Variants in SVEP1 observed in about 807,000 individuals in gnomAD.
The protein encoded by SVEP1 is sushi, von Willebrand factor type A, EGF and pentraxin domain-containing protein 1.
Under a neutral mutation model 367.3 loss-of-function variants are expected in SVEP1, and 164 were observed. That is an observed-to-expected ratio of 0.45 (90% CI 0.39 to 0.51). The LOEUF (loss-of-function observed/expected upper bound fraction) is 0.51, where lower values mean the gene tolerates loss of function less well. SVEP1 is among the 20% of genes least tolerant of loss of function. The probability of loss-of-function intolerance (pLI) is 0.00; values close to 1 mark genes in which losing one functional copy is unlikely to be tolerated. For synonymous variants in SVEP1, 1,666 were observed against 1,611.6 expected (o/e 1.03, Z -0.81); for missense variants, 4,117 against 4,425.3 (o/e 0.93, Z 1.98).
At chr9:110,512,772 T>G (rs2118775214) in intron 5 of SVEP1, 154 bp downstream of exon 5, 3 of 901,316 alleles carry the variant, frequency 3.3e-6, no homozygotes, top group South Asian at 1.5e-5. Flanking sequence ...AACTTGGTAA[T>G]TCTGATTTCA....
Position 110,401,009 on chromosome 9 carries a change from G to A in SVEP1, c.9667C>T (p.Leu3223Phe). Residue 3223 changes from leucine to phenylalanine, a missense_variant and splice_region_variant, in exon 40 of 48, where the codon CTT (leucine) becomes TTT (phenylalanine). Transcript: ENST00000374469. ...AATGGTGGCTCCCAGGTTCCATCAA[G>A]CTAAGTGACAAATAACAAAATGTAA... ...FEGVNISVCQ[L>F]DGTWEPPFSD... The A allele has an allele frequency of 1.2e-6, 2 of 1,612,948 alleles. No homozygotes were observed. The highest frequency in any genetic ancestry group is 1.3e-5 in the African/African-American group (1 of 74,952).
At chr9:110,372,462 T>C (rs376571342) in intron 46 of SVEP1, among the ~76,000 whole-genome samples, 1 of 152,320 alleles carries the variant, frequency 6.6e-6, no homozygotes, top group Admixed American at 6.5e-5. Flanking sequence ...ACGAAGGCTA[T>C]AGAGTTCAGT....
rs1044450584 is a variant in SVEP1 at position 110,433,332 on chromosome 9, A to T, written c.5060-697T>A. On this transcript the variant is annotated intron_variant, in intron 30 of 47. Coordinates refer to ENST00000374469, the MANE Select transcript of SVEP1 (RefSeq NM_153366.4). Reference sequence around the variant, plus strand: ...GCCAAACAAACAAAATCCCTGCCTTATGGAGCTTATTATCTAGTGGGGTAG... The same window carrying T: ...GCCAAACAAACAAAATCCCTGCCTTTTGGAGCTTATTATCTAGTGGGGTAG... Among the ~76,000 whole-genome samples the T allele has an allele frequency of 8.4e-4, 106 of 125,718 alleles. 1 individual carries two copies. Among genetic ancestry groups the T allele is most frequent in the African/African-American group, 3.2e-3 (104 of 32,072 alleles). 82.5% of individuals were successfully genotyped at this position (125,718 alleles called of 152,430 possible).
At chr9:110,392,143 A>G (rs1479684724) in intron 40 of SVEP1, among the ~76,000 whole-genome samples, 1 of 147,462 alleles carries the variant, frequency 6.8e-6, no homozygotes, top group Non-Finnish European at 1.5e-5. Context: ...TTATATATAT[A>G]TATATATATA....
At chr9:110,397,104 G>A (rs1322077152) in intron 40 of SVEP1, among the ~76,000 whole-genome samples, 1 of 152,104 alleles carries the variant, frequency 6.6e-6, no homozygotes, top group Non-Finnish European at 1.5e-5. Context: ...GTAAAATACT[G>A]GCAAACCGAA....
chr9:110,395,772 G>C (rs1827748692), intron 40 of SVEP1, among the ~76,000 whole-genome samples: 1 of 151,914 alleles, frequency 6.6e-6, no homozygotes, highest in Middle Eastern at 3.4e-3. Flanking sequence ...TTACATAATG[G>C]TAAAGGGATC....
chr9:110,544,207 T>C (rs957535318), intron 3 of SVEP1, among the ~76,000 whole-genome samples: 2 of 152,130 alleles, frequency 1.3e-5, no homozygotes, highest in South Asian at 2.1e-4. Flanking sequence ...GAGAACCACA[T>C]TTCTATGTGG....
At chr9:110,458,912 G>A (rs1212510902) in intron 19 of SVEP1, 40 bp downstream of exon 19, 2 of 1,589,904 alleles carry the variant, frequency 1.3e-6, no homozygotes, top group Non-Finnish European at 1.7e-6. Flanking sequence ...AAAAGTAAAT[G>A]TCCAACATAG....
intron 26 of SVEP1, 94 bp downstream of exon 26, chr9:110,445,743 A>G: frequency 7.2e-7 from 1 of 1,381,372 alleles, no homozygotes; most frequent in Non-Finnish European, 1.0e-6. Flanking sequence ...GGAACACCTG[A>G]CCCTCTACTT....
At chr9:110,435,944 A>G (rs1828425010) in intron 28 of SVEP1, among the ~76,000 whole-genome samples, 1 of 152,036 alleles carries the variant, frequency 6.6e-6, no homozygotes, top group Non-Finnish European at 1.5e-5. Context: ...TAAGACTGGG[A>G]TTTGAACCCC....
At chr9:110,474,694 A>G (rs1403823822) in intron 14 of SVEP1, among the ~76,000 whole-genome samples, 1 of 152,196 alleles carries the variant, frequency 6.6e-6, no homozygotes, top group Admixed American at 6.5e-5. Context: ...GTTACTGACA[A>G]TGCCACCTTA....
chr9:110,562,856 A>AT (rs1473156452), intron 1 of SVEP1, among the ~76,000 whole-genome samples: 3 of 151,798 alleles, frequency 2.0e-5, no homozygotes, highest in Non-Finnish European at 4.4e-5. Context: ...CACCCGGCCA[A>AT]TTTTTTTGTA....
rs1487174996 is a variant in SVEP1 at position 110,446,910 on chromosome 9, C to A, written c.4251G>T (p.Arg1417Ser). The part of the protein sequence containing the change: ...CKCQPGFSGK[R>S]CETEQSTGFN... ...TGAGTTGATACATACCTGTTTCACA[C>A]CTTTTGCCTGAAAATCCTGGCTGAC... The change falls in exon 25 of 48, where the codon AGG (arginine) becomes AGT (serine). Residue 1417 changes from arginine (R) to serine (S), a missense_variant. By Grantham distance (110) the Arg-to-Ser change is moderately radical. Transcript: ENST00000374469. The A allele has an allele frequency of 1.5e-5, 23 of 1,535,834 alleles. No individual in the cohort carries two copies. The South Asian group carries it at 2.5e-4, about 17-fold the overall frequency.
At position 110,406,626 on chromosome 9, in the gene SVEP1, T is replaced by G. The variant is rs1193648755; in HGVS notation, c.8974A>C (p.Asn2992His). Residue 2992 changes from asparagine (N) to histidine (H), a missense_variant, in exon 38 of 48, where the codon AAT (asparagine) becomes CAT (histidine). By Grantham distance (68) the Asn-to-His change is moderately conservative (BLOSUM62 1). Transcript: ENST00000374469. Reference sequence around the variant, plus strand: ...GGTGAGCTGCCACTCCAGGAGCCATTGGAGAGGCACCTTCTTGATGAATTT... The same window carrying G: ...GGTGAGCTGCCACTCCAGGAGCCATGGGAGAGGCACCTTCTTGATGAATTT... Reference protein sequence around the residue: ...HGNSSRRCLSNGSWSGSSPSC... With the variant: ...HGNSSRRCLSHGSWSGSSPSC... 5 of 1,613,980 alleles carry G rather than the reference T, an allele frequency of 3.1e-6. No individual in the cohort carries two copies. The highest frequency in any genetic ancestry group is 1.3e-5 in the African/African-American group (1 of 75,046).
chr9:110,475,604 T>A (rs1333656406), intron 14 of SVEP1, among the ~76,000 whole-genome samples: 2 of 151,784 alleles, frequency 1.3e-5, no homozygotes, highest in South Asian at 4.2e-4. Context: ...GGCATAATCA[T>A]GGCTCACTGC....
In SVEP1 at chr9:110,546,299, T is replaced by C; in HGVS notation, c.788-8A>G. 6.3e-7 allele frequency: 1 copy of C among 1,579,076 alleles called. No homozygotes were observed. Among genetic ancestry groups the C allele is most frequent in the Non-Finnish European group, 8.6e-7 (1 of 1,161,576 alleles). On this transcript the variant is annotated splice_region_variant and splice_polypyrimidine_tract_variant and intron_variant, in intron 2 of 47. Coordinates refer to ENST00000374469, the MANE Select transcript of SVEP1 (RefSeq NM_153366.4). The stretch of plus-strand genomic sequence containing the variant: ...AACTCCCAGAAGGTAGATCTACAAA[T>C]AACATATGACAGAGGGCGATAAAAA...
At chr9:110,496,715 C>T in intron 8 of SVEP1, 100 bp downstream of exon 8, 1 of 796,774 alleles carries the variant, frequency 1.3e-6, no homozygotes, top group South Asian at 1.8e-5. Context: ...AACCCTAATA[C>T]AAGTATTACC....
At chr9:110,446,168 T>C in intron 25 of SVEP1, 130 bp from the exon 26 acceptor site, 1 of 756,060 alleles carries the variant, frequency 1.3e-6, no homozygotes, top group South Asian at 1.9e-5. Flanking sequence ...GTTTCAAAAT[T>C]AAATACATAT....
intron 40 of SVEP1, 42 bp from the exon 41 acceptor site, chr9:110,389,629 C>A: frequency 6.2e-7 from 1 of 1,605,010 alleles, no homozygotes; most frequent in Non-Finnish European, 8.5e-7. Context: ...CATAACTCTA[C>A]AATAGAAAGA....
Sources: gnomAD v4.1 joint callset for allele counts (sites outside exome capture counted in the v4.1 genomes callset) on GRCh38, gnomAD v4.1.1 for gene constraint, MANE v1.5 for transcripts, NCBI Gene and HGNC (gene_info 2026-07-23, HGNC 2026-07-21) for gene names.